THADA: variants seen among roughly 807,000 people sequenced by gnomAD.
THADA encodes the protein tRNA (32-2'-O)-methyltransferase regulator THADA.
In THADA, 213 loss-of-function variants were observed where a neutral mutation model predicts 219.8. That is an observed-to-expected ratio of 0.97 (90% confidence interval 0.87 to 1.09). THADA has a LOEUF of 1.09. Among genes scored for constraint, THADA ranks in the 50% least tolerant of loss-of-function variants. The probability of loss-of-function intolerance (pLI) is 0.00; values close to 1 mark genes in which losing one functional copy is unlikely to be tolerated. For missense variants in THADA, 2,956 were observed against 2,311.3 expected (o/e 1.28, Z -5.72); for synonymous variants, 1,018 against 828.9 (o/e 1.23, Z -3.92).
intron 36 of THADA, among the ~76,000 whole-genome samples, chr2:43,260,844 T>C (rs1046044704): frequency 6.6e-6 from 1 of 152,224 alleles, no homozygotes; most frequent in Non-Finnish European, 1.5e-5. Flanking sequence ...GGATGTTTAT[T>C]TTCTGTCAGA....
chr2:43,318,387 T>C (rs1236874685), intron 31 of THADA, among the ~76,000 whole-genome samples: 1 of 152,182 alleles, frequency 6.6e-6, no homozygotes, highest in Non-Finnish European at 1.5e-5. Flanking sequence ...AAATTAATTT[T>C]GATAATACAT....
intron 29 of THADA, among the ~76,000 whole-genome samples, chr2:43,347,822 C>T (rs940582589): frequency 2.0e-5 from 3 of 152,180 alleles, no homozygotes; most frequent in Non-Finnish European, 4.4e-5. Flanking sequence ...AGGGTGGTGG[C>T]AGACACAGCT....
chr2:43,352,512 C>T lies in THADA; in HGVS notation c.4228-8275G>A, dbSNP rs189456656. Among the ~76,000 whole-genome samples, 200 of 151,412 alleles carry T rather than the reference C, an allele frequency of 1.3e-3. 5 individuals are homozygous for T. The East Asian group carries it at 0.032, about 24-fold the overall frequency. On this transcript the variant is annotated intron_variant, in intron 29 of 37. Transcript: ENST00000405975. The stretch of plus-strand genomic sequence containing the variant: ...GGTGGAGGTTGCGGTGAGCAGAGAT[C>T]GCGCCACTGCACTCCAACCTGGGTG...
intron 31 of THADA, among the ~76,000 whole-genome samples, chr2:43,297,542 G>T (rs1675626275): frequency 8.6e-6 from 1 of 116,406 alleles, no homozygotes; most frequent in Admixed American, 7.7e-5. Context: ...CGTCCGGGAG[G>T]GAGGTGGGGG....
chr2:43,497,323 T>C (rs1373140124), intron 25 of THADA, among the ~76,000 whole-genome samples: 2 of 152,162 alleles, frequency 1.3e-5, no homozygotes, highest in African/African-American at 2.4e-5. Flanking sequence ...AAAGAAAATG[T>C]AGTACATATA....
In THADA at chr2:43,572,853, A is replaced by G; in HGVS notation, c.1869T>C (p.Asp623=). ...ATDTWENLVS[D]ARIKQGLIHQ... is the part of the protein sequence containing the mutation. ...GAATTAAGCCTTGCTTTATTCTTGC[A>G]TCAGACACGAGGTTCTCCCAGGTAT... Residue 623 remains aspartate (D), a synonymous_variant, in exon 12 of 38, where the codon GAT becomes GAC. Transcript: ENST00000405975. 1 of 1,613,888 alleles carries G rather than the reference A, an allele frequency of 6.2e-7. No individual in the cohort carries two copies. The highest frequency in any genetic ancestry group is 8.5e-7 in the Non-Finnish European group (1 of 1,179,842).
intron 21 of THADA, among the ~76,000 whole-genome samples, chr2:43,533,652 A>C (rs1159300428): frequency 2.0e-5 from 3 of 152,212 alleles, no homozygotes; most frequent in Non-Finnish European, 4.4e-5. Context: ...AAAAAATCAA[A>C]CACCACATGT....
chr2:43,430,500 C>A (rs778276756), intron 26 of THADA, 198 bp from the exon 27 acceptor site: 15 of 548,280 alleles, frequency 2.7e-5, no homozygotes, highest in Non-Finnish European at 4.9e-5. Flanking sequence ...GCTCTCAATC[C>A]ATGAACTTTT....
intron 29 of THADA, chr2:43,370,109 T>G (rs1320181076): frequency 6.6e-6 from 1 of 152,222 alleles, no homozygotes; most frequent in Non-Finnish European, 1.5e-5. Flanking sequence ...ACTCCACGTC[T>G]TAAAGCCTAC....
At chr2:43,407,822 A>G (rs1488615673) in intron 28 of THADA, among the ~76,000 whole-genome samples, 1 of 151,988 alleles carries the variant, frequency 6.6e-6, no homozygotes, top group East Asian at 1.9e-4. Context: ...ATATTATATA[A>G]ATATATGTGG....
rs2104365929 is a variant in THADA at position 43,291,706 on chromosome 2, G to A, written c.5000C>T (p.Thr1667Ile). The A allele has an allele frequency of 1.9e-6, 3 of 1,555,760 alleles. No homozygotes were observed. Among genetic ancestry groups the A allele is most frequent in the Non-Finnish European group, 2.6e-6 (3 of 1,148,004 alleles). ...CAGAACCAGCCTTACCTCCACACAT[G>A]TCTGCATGTGGTGGGAAATGACTTT... ...ASKVISHHMQTCVENRELIAA... is the reference protein window; with the variant it reads ...ASKVISHHMQICVENRELIAA... The change falls in exon 34 of 38, where the codon ACA (threonine) becomes ATA (isoleucine). Residue 1667 changes from threonine to isoleucine, a missense_variant. Thr to Ile is a moderately conservative substitution (Grantham distance 89). Transcript: ENST00000405975.
chr2:43,515,037 TA>T lies in THADA; in HGVS notation c.3375-6258del, dbSNP rs1376949260. ...TTATATATTTTATATATAATATATA[TA>T]AATATATATATTTTATATATAATAT... On this transcript the variant is annotated intron_variant, in intron 22 of 37. Transcript: ENST00000405975. Among the ~76,000 whole-genome samples the T allele has an allele frequency of 1.9e-3, 71 of 37,578 alleles. 3 individuals are homozygous for T. The highest frequency in any genetic ancestry group is 5.4e-3 in the African/African-American group (49 of 9,020). The allele number at this position is 37,578 out of a possible 152,430, so 24.7% of individuals were successfully genotyped here.
At chr2:43,401,037 T>A (rs905039460) in intron 28 of THADA, among the ~76,000 whole-genome samples, 5 of 152,134 alleles carry the variant, frequency 3.3e-5, no homozygotes, top group African/African-American at 1.2e-4. Context: ...ATAAAACAAA[T>A]ACACTTAAGG....
intron 22 of THADA, among the ~76,000 whole-genome samples, chr2:43,515,296 ATAATATG>A (rs1374977857): frequency 1.7e-4 from 6 of 35,282 alleles, no homozygotes; most frequent in South Asian, 6.7e-4. Context: ...TATATAATAT[ATAATATG>A]TAATATATAA....
At chr2:43,256,643 T>C (rs1305948503) in intron 36 of THADA, among the ~76,000 whole-genome samples, 1 of 151,832 alleles carries the variant, frequency 6.6e-6, no homozygotes, top group Non-Finnish European at 1.5e-5. Flanking sequence ...CAGAGTATGT[T>C]ATGTTGCCCA....
chr2:43,470,427 T>C (rs1684777898), intron 26 of THADA, among the ~76,000 whole-genome samples: 1 of 152,090 alleles, frequency 6.6e-6, no homozygotes. Flanking sequence ...TGTTTAATAG[T>C]AGTAGAATTA....
intron 21 of THADA, among the ~76,000 whole-genome samples, chr2:43,531,991 G>T (rs1331321153): frequency 4.7e-5 from 7 of 149,058 alleles, no homozygotes; most frequent in African/African-American, 1.5e-4. Context: ...TTTGGTGTGT[G>T]TTTTTTTTTA....
chr2:43,429,508 A>G (rs1678956010), intron 27 of THADA, among the ~76,000 whole-genome samples: 2 of 152,136 alleles, frequency 1.3e-5, no homozygotes, highest in Admixed American at 1.3e-4. Context: ...GCTCAGGTAG[A>G]CAAGAACCAT....
chr2:43,543,833 C>G (rs1245644102), intron 20 of THADA, among the ~76,000 whole-genome samples: 26 of 151,890 alleles, frequency 1.7e-4, no homozygotes, highest in African/African-American at 3.6e-4. Context: ...CCTGTTCACT[C>G]TGATGGTAGT....
Sources: allele counts gnomAD v4.1 joint callset (sites outside exome capture counted in the v4.1 genomes callset), GRCh38; gene constraint gnomAD v4.1.1; transcripts MANE v1.5; gene names NCBI Gene and HGNC (gene_info 2026-07-23, HGNC 2026-07-21).